The following LUZP1 variants were observed in gnomAD, a reference collection of about 807,000 sequenced individuals.
LUZP1 encodes filamin mechanobinding actin cross-linking protein.
Under a neutral mutation model 71.3 loss-of-function variants are expected in LUZP1, and 25 were observed. The ratio of observed to expected loss-of-function variants is 0.35; its 90% CI spans 0.26 to 0.49. LUZP1 has a LOEUF of 0.49. LUZP1 is among the 20% of genes least tolerant of loss of function. The probability of loss-of-function intolerance (pLI) is 0.99; values close to 1 mark genes in which losing one functional copy is unlikely to be tolerated. For synonymous variants in LUZP1, 481 were observed against 506.4 expected, an observed-to-expected ratio of 0.95 and a Z score of 0.67; for missense variants, 1,142 against 1,300.8, an observed-to-expected ratio of 0.88 and a Z score of 1.88.
chr1:23,133,445 A>G (rs1362862233), intron 2 of LUZP1: 1 of 152,194 alleles, frequency 6.6e-6, no homozygotes, highest in African/African-American at 2.4e-5. Flanking sequence ...GGATCCCTAC[A>G]ACGGAAAGAT....
chr1:23,091,771 G>A (rs1044732930), exon 4 of LUZP1: 19 of 1,613,960 alleles, frequency 1.2e-5, no homozygotes, highest in Non-Finnish European at 1.5e-5. Context: ...ACTGATGTGA[G>A]CTCTGCCAGC....
exon 5 of LUZP1, chr1:23,088,744 A>C: frequency 8.7e-7 from 1 of 1,155,518 alleles, no homozygotes. Flanking sequence ...CAAATGGCAA[A>C]AATTACCTGA....
rs375889545 is a variant in LUZP1 at position 23,093,845 on chromosome 1, C to A, written c.417G>T (p.Leu139=). ...TCAGATTTCTCTCCTCATTCAGGCT[C>A]AGACACAGCTGGGTACAGTCATTCT... Residue 139 remains leucine (L), a synonymous_variant, in exon 4 of 5, where the codon CTG becomes CTT. Transcript: ENST00000302291. This position sits in a 1 kb window ranked among gnomAD's most constrained non-coding sequence, Gnocchi z 4.2. 6.2e-7 allele frequency: 1 copy of A among 1,613,988 alleles called. No homozygotes were observed. The highest frequency in any genetic ancestry group is 1.7e-5 in the Admixed American group (1 of 59,992).
chr1:23,095,513 G>C (rs895441589), intron 3 of LUZP1, among the ~76,000 whole-genome samples: 1 of 152,174 alleles, frequency 6.6e-6, no homozygotes, highest in African/African-American at 2.4e-5. Flanking sequence ...GTCCTTCTTA[G>C]GGTCTTGCCG....
intron 2 of LUZP1, among the ~76,000 whole-genome samples, chr1:23,146,873 G>A (rs1476064023): frequency 1.3e-5 from 2 of 151,858 alleles, no homozygotes; most frequent in East Asian, 1.9e-4. Flanking sequence ...CGAGGCAGGC[G>A]GATCACGAGG....
At chr1:23,152,857 A>G (rs1644394847) in intron 2 of LUZP1, among the ~76,000 whole-genome samples, 2 of 151,998 alleles carry the variant, frequency 1.3e-5, no homozygotes, top group Admixed American at 1.3e-4. Context: ...TAAGCTTAAG[A>G]GCTATCTTCA....
At chr1:23,158,686 T>G (rs9426809) in intron 2 of LUZP1, among the ~76,000 whole-genome samples, 46,620 of 129,902 alleles carry the variant, frequency 0.36, 8,105 homozygotes, top group South Asian at 0.48. Flanking sequence ...AAGGGTTGGG[T>G]CCAGGCATGG....
intron 2 of LUZP1, among the ~76,000 whole-genome samples, chr1:23,122,398 G>GT: frequency 6.6e-6 from 1 of 152,346 alleles, no homozygotes; most frequent in South Asian, 2.1e-4. Flanking sequence ...TACAGCCAGA[G>GT]TGAATGCATT....
chr1:23,099,067 C>G (rs1438834473), intron 3 of LUZP1, among the ~76,000 whole-genome samples: 1 of 152,210 alleles, frequency 6.6e-6, no homozygotes, highest in African/African-American at 2.4e-5. Flanking sequence ...ATCTTTGCCT[C>G]TTTTGGTCCC....
downstream of LUZP1, chr1:23,083,649 T>TTG (rs1416293377): frequency 0.036 from 8,825 of 246,934 alleles, 763 homozygotes; most frequent in African/African-American, 0.18. Context: ...GGGTTTTTGT[T>TTG]TTTTTTTTAT....
In LUZP1 at chr1:23,139,019, A is replaced by AAAAAAAAAAAT. The variant is rs1317355746; in HGVS notation, c.-226+29746_-226+29747insATTTTTTTTTT. Among the ~76,000 whole-genome samples, 139 of 59,914 alleles carry AAAAAAAAAAAT rather than the reference A, an allele frequency of 2.3e-3. 3 individuals are homozygous for AAAAAAAAAAAT. The highest frequency in any genetic ancestry group is 2.6e-3 in the Non-Finnish European group (97 of 37,204). The allele number at this position is 59,914 out of a possible 152,430, so 39.3% of individuals were successfully genotyped here. Reference sequence around the variant, plus strand: ...TCTCAAAAAAAAAAAAAAAAAAAAAAATATATATATATATATATATATATA... The same window carrying AAAAAAAAAAAT: ...TCTCAAAAAAAAAAAAAAAAAAAAAAAAAAAAAAAATATATATATATATATATATATATATA... On this transcript the variant is annotated intron_variant, in intron 2 of 4. Transcript: ENST00000302291.
intron 2 of LUZP1, among the ~76,000 whole-genome samples, chr1:23,136,280 G>GTGGAT (rs2124696494): frequency 1.4e-5 from 2 of 142,228 alleles, no homozygotes; most frequent in African/African-American, 2.7e-5. Flanking sequence ...GCTGAGGCGG[G>GTGGAT]CAGATTCCGT....
chr1:23,168,277 T>C (rs1469748696), intron 2 of LUZP1, among the ~76,000 whole-genome samples: 142 of 143,978 alleles, frequency 9.9e-4, no homozygotes, highest in Non-Finnish European at 2.0e-3. Context: ...TCTGATCACT[T>C]CCTTCCTCCG....
At chr1:23,116,986 G>C (rs1644084553) in intron 2 of LUZP1, among the ~76,000 whole-genome samples, 1 of 152,166 alleles carries the variant, frequency 6.6e-6, no homozygotes, top group Non-Finnish European at 1.5e-5. Context: ...ATCAGAAGAA[G>C]AATACTAAGC....
chr1:23,147,583 G>A (rs1044291032), intron 2 of LUZP1, among the ~76,000 whole-genome samples: 60 of 143,806 alleles, frequency 4.2e-4, no homozygotes, highest in Non-Finnish European at 6.3e-4. Flanking sequence ...AAACCAGCCT[G>A]GGCAACATAG....
intron 1 of LUZP1, among the ~76,000 whole-genome samples, chr1:23,176,817 C>A (rs1644584733): frequency 6.6e-6 from 1 of 152,134 alleles, no homozygotes; most frequent in Non-Finnish European, 1.5e-5. Context: ...CATAGAGGAA[C>A]CTCAACCTCT....
intron 2 of LUZP1, among the ~76,000 whole-genome samples, chr1:23,141,714 A>G (rs576929875): frequency 4.3e-4 from 66 of 152,198 alleles, no homozygotes; most frequent in African/African-American, 1.4e-3. Flanking sequence ...CAGGGTCCCA[A>G]TGTCCCCCAG....
chr1:23,173,350 C>CTTTTTTTTT (rs869169060), intron 1 of LUZP1, among the ~76,000 whole-genome samples: 2 of 80,358 alleles, frequency 2.5e-5, no homozygotes, highest in African/African-American at 4.9e-5. Context: ...TTTGTTTTTT[C>CTTTTTTTTT]TTTTTTTTTT....
chr1:23,118,821 C>A (rs537561698), intron 2 of LUZP1, among the ~76,000 whole-genome samples: 5 of 152,296 alleles, frequency 3.3e-5, no homozygotes, highest in African/African-American at 1.2e-4. Context: ...CCTCAAATTT[C>A]TCTAACCAAA....
Sources: allele counts gnomAD v4.1 joint callset (sites outside exome capture counted in the v4.1 genomes callset), GRCh38; gene constraint gnomAD v4.1.1; non-coding constraint Gnocchi (gnomAD v3.1); transcripts MANE v1.5; gene names NCBI Gene and HGNC (gene_info 2026-07-23, HGNC 2026-07-21).